The following MTUS2 variants were observed in gnomAD, a reference collection of about 807,000 sequenced individuals.
MTUS2 encodes the protein microtubule associated scaffold protein 2.
A neutral mutation model predicts 114.1 loss-of-function variants in MTUS2; 40 were observed. That is an observed-to-expected ratio of 0.35 (90% CI 0.27 to 0.46). MTUS2 has a LOEUF of 0.46. Among genes scored for constraint, MTUS2 ranks in the 20% least tolerant of loss-of-function variants. MTUS2 has a pLI of 1.00. For missense variants in MTUS2, 1,679 were observed against 1,705.4 expected (o/e 0.98, Z 0.27); for synonymous variants, 688 against 672.0 (o/e 1.02, Z -0.37).
At chr13:29,327,150 AAAAG>A (rs1900555688) in intron 7 of MTUS2, among the ~76,000 whole-genome samples, 1 of 36,440 alleles carries the variant, frequency 2.7e-5, no homozygotes, top group Non-Finnish European at 1.2e-4. Context: ...ATGTATAAGT[AAAAG>A]GATGGAAAAT....
chr13:29,052,219 C>T (rs9508238), intron 4 of MTUS2, among the ~76,000 whole-genome samples: 47,062 of 152,048 alleles, frequency 0.31, 7,866 homozygotes, highest in East Asian at 0.63. Flanking sequence ...CAGTGGCTCA[C>T]GCCTGTAATC....
chr13:29,224,227 A>G (rs1257510237), intron 5 of MTUS2, among the ~76,000 whole-genome samples: 2 of 152,188 alleles, frequency 1.3e-5, no homozygotes, highest in African/African-American at 2.4e-5. Flanking sequence ...ATCCTATGAC[A>G]TTTGCATATG....
intron 5 of MTUS2, among the ~76,000 whole-genome samples, chr13:29,168,886 A>ATGTGTGTGTGTGTGTG: frequency 8.8e-5 from 1 of 11,406 alleles, no homozygotes; most frequent in African/African-American, 2.7e-4. Flanking sequence ...CACTTTATGA[A>ATGTGTGTGTGTGTGTG]TCTGTGTGTG....
chr13:28,940,953 A>G (rs938501128), intron 2 of MTUS2, among the ~76,000 whole-genome samples: 2 of 152,110 alleles, frequency 1.3e-5, no homozygotes, highest in South Asian at 2.1e-4. Flanking sequence ...AAAAAAAGCT[A>G]GGGTAACTAT....
At chr13:29,166,165 AAG>A (rs1273385675) in intron 5 of MTUS2, among the ~76,000 whole-genome samples, 2 of 152,226 alleles carry the variant, frequency 1.3e-5, no homozygotes, top group Non-Finnish European at 2.9e-5. Flanking sequence ...ACAGGACATT[AAG>A]TTCCTTGCAA....
chr13:28,904,087 G>A (rs9550414), intron 2 of MTUS2, among the ~76,000 whole-genome samples: 19,599 of 152,004 alleles, frequency 0.13, 1,536 homozygotes, highest in African/African-American at 0.21. Flanking sequence ...TATATCCTTC[G>A]CCCACTTGTT....
Position 29,025,029 on chromosome 13 carries a change from G to A in MTUS2, c.331G>A (p.Glu111Lys). The A allele has an allele frequency of 6.2e-7, 1 of 1,614,008 alleles. No homozygotes were observed. Residue 111 changes from glutamate to lysine, a missense_variant, in exon 3 of 16, where the codon GAG becomes AAG. Glu to Lys is a moderately conservative substitution (Grantham distance 56). This residue lies in a region of MTUS2 where 843 missense variants were observed against 770.8 expected (regional missense o/e 1.09). Coordinates refer to ENST00000612955, the MANE Select transcript of MTUS2 (RefSeq NM_001033602.4). ...SSTIQRELNE[E>K]HTVERGTDSL... ...AACCATTCAGAGGGAACTCAATGAAGAGCACACAGTGGAGAGAGGCACAGA... is the reference window on the plus strand; with the variant it reads ...AACCATTCAGAGGGAACTCAATGAAAAGCACACAGTGGAGAGAGGCACAGA...
chr13:28,942,512 A>G (rs901658025), intron 2 of MTUS2, among the ~76,000 whole-genome samples: 36 of 152,240 alleles, frequency 2.4e-4, no homozygotes, highest in African/African-American at 8.0e-4. Flanking sequence ...GACATATACA[A>G]GAATGTTCAT....
At chr13:29,339,373 G>C (rs982354013) in intron 7 of MTUS2, among the ~76,000 whole-genome samples, 11 of 152,188 alleles carry the variant, frequency 7.2e-5, no homozygotes, top group African/African-American at 2.4e-4. Flanking sequence ...CTGATAGCCT[G>C]GGTGATGGGA....
chr13:28,826,088 G>T (rs941795419), intron 1 of MTUS2, among the ~76,000 whole-genome samples: 1 of 152,062 alleles, frequency 6.6e-6, no homozygotes, highest in South Asian at 2.1e-4. Context: ...TATTCTATAT[G>T]TTGGTTGTAT....
intron 1 of MTUS2, among the ~76,000 whole-genome samples, chr13:28,832,544 AAAG>A (rs1874762675): frequency 6.6e-6 from 1 of 151,532 alleles, no homozygotes; most frequent in Non-Finnish European, 1.5e-5. Flanking sequence ...TGTATGAACA[AAAG>A]AAAGATCTCA....
intron 2 of MTUS2, among the ~76,000 whole-genome samples, chr13:28,964,371 A>T (rs1030082168): frequency 1.3e-5 from 2 of 152,136 alleles, no homozygotes; most frequent in African/African-American, 4.8e-5. Flanking sequence ...TCTGGTCTTT[A>T]TTCTGTGATT....
At chr13:29,058,204 CATT>C (rs1488949068) in intron 4 of MTUS2, among the ~76,000 whole-genome samples, 1 of 85,900 alleles carries the variant, frequency 1.2e-5, no homozygotes, top group East Asian at 4.0e-4. Context: ...CTGCCTTTAA[CATT>C]TTTTTTTTTT....
At chr13:29,013,945 T>C (rs558297270) in intron 2 of MTUS2, among the ~76,000 whole-genome samples, 8 of 152,382 alleles carry the variant, frequency 5.2e-5, no homozygotes, top group Admixed American at 4.6e-4. Context: ...CTTTTATTAG[T>C]GATTAACTAT....
chr13:29,416,082 A>T (rs910489066), intron 8 of MTUS2, among the ~76,000 whole-genome samples: 4 of 127,716 alleles, frequency 3.1e-5, no homozygotes, highest in African/African-American at 8.9e-5. Flanking sequence ...CACCCCACTA[A>T]TTTTTTTTTT....
chr13:29,096,925 T>C (rs1198723498), intron 4 of MTUS2, among the ~76,000 whole-genome samples: 1 of 152,180 alleles, frequency 6.6e-6, no homozygotes, highest in Non-Finnish European at 1.5e-5. Flanking sequence ...TTTGGCTTGC[T>C]GTGCCTGGGG....
chr13:29,064,120 C>T (rs1362226267), intron 4 of MTUS2, among the ~76,000 whole-genome samples: 4 of 152,108 alleles, frequency 2.6e-5, no homozygotes, highest in Non-Finnish European at 5.9e-5. Flanking sequence ...AGAATGTTAG[C>T]GGGCAGCTTA....
rs1156480153 is a variant in MTUS2, at chr13:29,458,540, CTG to C, written c.3184+18493_3184+18494del. Among the ~76,000 whole-genome samples, 4 of 152,180 alleles carry C rather than the reference CTG, an allele frequency of 2.6e-5. No homozygotes were observed. The East Asian group carries it at 5.8e-4, about 22-fold the overall frequency. ...TTCCTTAAAATATTTGTCCTAGATG[CTG>C]TCTTAGGCCTTCACTTTCCATGATC... On this transcript the variant is annotated intron_variant, in intron 9 of 15. Coordinates refer to ENST00000612955, the MANE Select transcript of MTUS2 (RefSeq NM_001033602.4).
At chr13:28,820,120 C>T (rs1010218272), upstream of MTUS2, among the ~76,000 whole-genome samples, 27 of 146,924 alleles carry the variant, frequency 1.8e-4, no homozygotes, top group African/African-American at 6.6e-4. Flanking sequence ...TTGGGCTGGG[C>T]GGCCGCCGGC....
Sources: gnomAD v4.1 joint callset for allele counts (sites outside exome capture counted in the v4.1 genomes callset) on GRCh38, gnomAD v4.1.1 for gene constraint, gnomAD v4.1.1 regional missense constraint, MANE v1.5 for transcripts, NCBI Gene and HGNC (gene_info 2026-07-23, HGNC 2026-07-21) for gene names.